Variants in NFYA observed in about 807,000 individuals in gnomAD.
NFYA encodes nuclear transcription factor Y subunit alpha.
In NFYA, 28 loss-of-function variants were observed where a neutral mutation model predicts 52.8. The ratio of observed to expected loss-of-function variants is 0.53; its 90% CI spans 0.39 to 0.73. The LOEUF (loss-of-function observed/expected upper bound fraction) is 0.73, where lower values mean the gene tolerates loss of function less well. NFYA is among the 30% of genes least tolerant of loss of function. The pLI is 0.00. For synonymous variants in NFYA, 150 were observed against 150.7 expected, an observed-to-expected ratio of 1.00 and a Z score of 0.03; for missense variants, 234 against 427.0, an observed-to-expected ratio of 0.55 and a Z score of 3.98.
chr6:41,096,787 A>T (rs577605969), intron 9 of NFYA, among the ~76,000 whole-genome samples: 1 of 152,352 alleles, frequency 6.6e-6, no homozygotes, highest in African/African-American at 2.4e-5. Flanking sequence ...AGTGGAAAGA[A>T]GATGAAATGG....
At chr6:41,091,316 C>G in intron 6 of NFYA, among the ~76,000 whole-genome samples, 1 of 152,094 alleles carries the variant, frequency 6.6e-6, no homozygotes, top group East Asian at 1.9e-4. Flanking sequence ...AAAACTGGGA[C>G]CTAGACAGTT....
At position 41,090,297 on chromosome 6, in the gene NFYA, A is replaced by G; in HGVS notation, c.535A>G (p.Ile179Val). ...TCAACCAGTTAATGCAGATGGCACCATTCTCCAGCAAGGTAAGTGTACCCA... is the reference window on the plus strand; with the variant it reads ...TCAACCAGTTAATGCAGATGGCACCGTTCTCCAGCAAGGTAAGTGTACCCA... ...VYQPVNADGTILQQVTVPVSG... is the reference protein window; with the variant it reads ...VYQPVNADGTVLQQVTVPVSG... Residue 179 changes from isoleucine (I) to valine (V), a missense_variant, in exon 6 of 10, where the codon ATT becomes GTT. Ile to Val is a conservative substitution (Grantham distance 29, BLOSUM62 3). Around this residue, in one of 3 missense-constraint regions of NFYA, gnomAD observed 81 missense variants for 210.5 expected, o/e 0.38. Transcript: ENST00000341376. The G allele has an allele frequency of 6.2e-7, 1 of 1,613,192 alleles. No homozygotes were observed. The highest frequency in any genetic ancestry group is 8.5e-7 in the Non-Finnish European group (1 of 1,179,306).
rs1764468397 is a variant in NFYA at position 41,100,450 on chromosome 6, A to G, written c.*3040A>G. On this transcript the variant is annotated 3_prime_UTR_variant, in exon 10 of 10. Coordinates refer to ENST00000341376, the MANE Select transcript of NFYA (RefSeq NM_002505.5). The stretch of plus-strand genomic sequence containing the variant: ...CCTTACGGTCGCTGGGAATCTAAGC[A>G]ACAAAGACTAGAAGCCTCCGATATG... 6.6e-6 allele frequency among the ~76,000 whole-genome samples: 1 copy of G among 152,234 alleles called. No individual in the cohort carries two copies. The highest frequency in any genetic ancestry group is 6.5e-5 in the Admixed American group (1 of 15,290).
chr6:41,100,444 C>T lies in NFYA; in HGVS notation c.*3034C>T, dbSNP rs1764468267. ...GTTTTACCTTACGGTCGCTGGGAATCTAAGCAACAAAGACTAGAAGCCTCC... is the reference window on the plus strand; with the variant it reads ...GTTTTACCTTACGGTCGCTGGGAATTTAAGCAACAAAGACTAGAAGCCTCC... On this transcript the variant is annotated 3_prime_UTR_variant, in exon 10 of 10. Coordinates refer to ENST00000341376, the MANE Select transcript of NFYA (RefSeq NM_002505.5). Among the ~76,000 whole-genome samples the T allele has an allele frequency of 6.6e-6, 1 of 152,184 alleles. No homozygotes were observed. Among genetic ancestry groups the T allele is most frequent in the Non-Finnish European group, 1.5e-5 (1 of 68,036 alleles).
At chr6:41,074,423 C>A (rs1056971327) in intron 1 of NFYA, among the ~76,000 whole-genome samples, 2 of 152,162 alleles carry the variant, frequency 1.3e-5, no homozygotes, top group Admixed American at 1.3e-4. Flanking sequence ...TAATACCTAA[C>A]GGTTAGTGCT....
rs1031326395 is a variant in NFYA at position 41,101,819 on chromosome 6, T to C, written c.*4409T>C. ...CTCTTGGAAGCAGAGAGGGTGGTCC[T>C]TTGGATTCCCAGTGGCAGCAGCAAC... is the stretch of plus-strand genomic sequence containing the variant. On this transcript the variant is annotated 3_prime_UTR_variant, in exon 10 of 10. Transcript: ENST00000341376. 5.9e-5 allele frequency among the ~76,000 whole-genome samples: 9 copies of C among 152,118 alleles called. No individual in the cohort carries two copies. The highest frequency in any genetic ancestry group is 2.2e-4 in the African/African-American group (9 of 41,450).
intron 4 of NFYA, among the ~76,000 whole-genome samples, chr6:41,088,146 C>T (rs1182848626): frequency 6.6e-6 from 1 of 152,058 alleles, no homozygotes; most frequent in Non-Finnish European, 1.5e-5. Context: ...TTGGCCGGTG[C>T]GGTGGCCCAC....
intron 1 of NFYA, among the ~76,000 whole-genome samples, chr6:41,078,297 A>G (rs1057462390): frequency 2.0e-5 from 3 of 152,218 alleles, no homozygotes; most frequent in African/African-American, 7.2e-5. Context: ...GTGTGGATTT[A>G]TGGAGAGTGG....
At chr6:41,073,742 G>A (rs1763626222) in intron 1 of NFYA, among the ~76,000 whole-genome samples, 1 of 152,076 alleles carries the variant, frequency 6.6e-6, no homozygotes, top group African/African-American at 2.4e-5. Flanking sequence ...TCCCTGGTGG[G>A]GAGAGGGGGC....
rs1764453030 is a variant in NFYA at position 41,099,876 on chromosome 6, G to A, written c.*2466G>A. On this transcript the variant is annotated 3_prime_UTR_variant, in exon 10 of 10. Transcript: ENST00000341376. Reference sequence around the variant, plus strand: ...TTTTTCTTTGGGATTCAACTATATCGAAGGTTTTTCCCCCAGCAGTATGGG... The same window carrying A: ...TTTTTCTTTGGGATTCAACTATATCAAAGGTTTTTCCCCCAGCAGTATGGG... 1 of 152,080 alleles carries A rather than the reference G, an allele frequency of 6.6e-6. No individual in the cohort carries two copies. Among genetic ancestry groups the A allele is most frequent in the Non-Finnish European group, 1.5e-5 (1 of 68,008 alleles). 9.4% of individuals were successfully genotyped at this position (152,080 alleles called of 1,614,324 possible).
intron 1 of NFYA, among the ~76,000 whole-genome samples, chr6:41,077,603 A>G (rs1036365676): frequency 3.3e-5 from 5 of 152,214 alleles, no homozygotes; most frequent in Non-Finnish European, 7.3e-5. Flanking sequence ...TAACAGACTC[A>G]CAGTCTGGCT....
intron 5 of NFYA, 131 bp downstream of exon 5, chr6:41,089,841 C>A: frequency 7.7e-7 from 1 of 1,297,782 alleles, no homozygotes. Flanking sequence ...TATTTTTGGC[C>A]GGGCGCGGTG....
chr6:41,090,443 C>G, intron 6 of NFYA, 134 bp downstream of exon 6: 1 of 570,694 alleles, frequency 1.8e-6, no homozygotes, highest in Non-Finnish European at 3.2e-6. Context: ...AAGATTTCCT[C>G]TAGCTCTCCA....
intron 7 of NFYA, 43 bp from the exon 8 acceptor site, chr6:41,092,869 A>G (rs764159604): frequency 4.4e-6 from 7 of 1,577,234 alleles, no homozygotes; most frequent in Middle Eastern, 1.8e-4. Context: ...TTCTATGTCC[A>G]TACTTCATGC....
At position 41,080,841 on chromosome 6, in the gene NFYA, C is replaced by G. The variant is rs748910311; in HGVS notation, c.106C>G (p.Gln36Glu). 1 of 1,614,044 alleles carries G rather than the reference C, an allele frequency of 6.2e-7. No homozygotes were observed. The highest frequency in any genetic ancestry group is 8.5e-7 in the Non-Finnish European group (1 of 1,179,912). The change falls in exon 3 of 10, where the codon CAG (glutamine) becomes GAG (glutamate). Residue 36 changes from glutamine to glutamate, a missense_variant. By Grantham distance (29) the Gln-to-Glu change is conservative. Around this residue, in one of 3 missense-constraint regions of NFYA, gnomAD observed 118 missense variants for 182.4 expected, o/e 0.65. Coordinates refer to ENST00000341376, the MANE Select transcript of NFYA (RefSeq NM_002505.5). ...GGGTGGTGTCACTGCTGTGCAGTTGCAGACTGAGGCCCAGGTGGCATCCGC... is the reference window on the plus strand; with the variant it reads ...GGGTGGTGTCACTGCTGTGCAGTTGGAGACTGAGGCCCAGGTGGCATCCGC... ...QQGGVTAVQL[Q>E]TEAQVASASG...
intron 8 of NFYA, 63 bp downstream of exon 8, chr6:41,093,148 T>C (rs1764239902): frequency 2.8e-6 from 4 of 1,448,888 alleles, no homozygotes; most frequent in South Asian, 1.3e-5. Flanking sequence ...TTTGAAATTA[T>C]CTTTTATATG....
In NFYA at chr6:41,101,097, C is replaced by G. The variant is rs1319181552; in HGVS notation, c.*3687C>G. 6.6e-6 allele frequency: 1 copy of G among 152,284 alleles called. No individual in the cohort carries two copies. Among genetic ancestry groups the G allele is most frequent in the Non-Finnish European group, 1.5e-5 (1 of 68,070 alleles). 9.4% of individuals were successfully genotyped at this position (152,284 alleles called of 1,614,324 possible). ...CCGCTTGGCGGCGCTGCTTCCCGAC[C>G]TACTGGTCTTTCGGAAGCCTCGGGG... On this transcript the variant is annotated 3_prime_UTR_variant, in exon 10 of 10. Transcript: ENST00000341376.
intron 2 of NFYA, 68 bp from the exon 3 acceptor site, chr6:41,080,743 T>G: frequency 1.5e-6 from 2 of 1,296,338 alleles, no homozygotes; most frequent in Non-Finnish European, 2.2e-6. Flanking sequence ...AGAGGTAAGG[T>G]GATCTGTGTC....
At chr6:41,094,310 AC>A (rs1764287874) in intron 8 of NFYA, 85 bp from the exon 9 acceptor site, 3 of 1,162,658 alleles carry the variant, frequency 2.6e-6, no homozygotes, top group Non-Finnish European at 3.8e-6. Flanking sequence ...GCTGTCTTAA[AC>A]TTTGGAGAAT....
Sources: gnomAD v4.1 joint callset for allele counts (sites outside exome capture counted in the v4.1 genomes callset) on GRCh38, gnomAD v4.1.1 for gene constraint, gnomAD v4.1.1 regional missense constraint, MANE v1.5 for transcripts, NCBI Gene and HGNC (gene_info 2026-07-23, HGNC 2026-07-21) for gene names.